Variants in CDC42BPA observed in about 807,000 individuals in gnomAD.
CDC42BPA encodes CDC42 binding protein kinase alpha.
CDC42BPA carries 80 observed loss-of-function variants against 223.5 expected under a neutral mutation model. That is an observed-to-expected ratio of 0.36 (90% confidence interval 0.30 to 0.43). CDC42BPA has a LOEUF of 0.43. Among genes scored for constraint, CDC42BPA ranks in the 20% least tolerant of loss-of-function variants. CDC42BPA has a pLI of 1.00. For synonymous variants in CDC42BPA, 694 were observed against 718.6 expected (o/e 0.97, Z 0.55); for missense variants, 1,743 against 2,099.9 (o/e 0.83, Z 3.32).
At chr1:227,117,498 G>A (rs1687947262) in intron 12 of CDC42BPA, among the ~76,000 whole-genome samples, 2 of 151,886 alleles carry the variant, frequency 1.3e-5, no homozygotes. Flanking sequence ...TTTTTGTAGA[G>A]ACTGGGTCTC....
At chr1:227,255,823 A>G (rs1682945036) in intron 1 of CDC42BPA, among the ~76,000 whole-genome samples, 1 of 152,216 alleles carries the variant, frequency 6.6e-6, no homozygotes, top group African/African-American at 2.4e-5. Flanking sequence ...AAATGAAAAG[A>G]CATCCAGTAT....
chr1:227,010,916 G>C, intron 34 of CDC42BPA: 1 of 1,365,020 alleles, frequency 7.3e-7, no homozygotes, highest in Non-Finnish European at 9.8e-7. Context: ...GGGACAGAGC[G>C]CAGAGACGGG....
rs143944932 is a variant in CDC42BPA, at chr1:227,060,020, G to GTTTT, written c.2905-8039_2905-8036dup. On this transcript the variant is annotated intron_variant, in intron 21 of 36. Coordinates refer to ENST00000366766, the MANE Select transcript of CDC42BPA (RefSeq NM_001394014.1). ...AAAAAAGGAACAATTATCTCAAAAA[G>GTTTT]TTTTTTTTTGTTTTTTTTTTTTTTT... 1.5e-3 allele frequency among the ~76,000 whole-genome samples: 140 copies of GTTTT among 94,130 alleles called. 1 individual carries two copies. The highest frequency in any genetic ancestry group is 5.8e-3 in the African/African-American group (118 of 20,320). The allele number at this position is 94,130 out of a possible 152,430, so 61.8% of individuals were successfully genotyped here.
intron 2 of CDC42BPA, among the ~76,000 whole-genome samples, chr1:227,217,263 A>ATAATGAAACCCCATCTC (rs1290298048): frequency 6.6e-6 from 1 of 152,036 alleles, no homozygotes; most frequent in Non-Finnish European, 1.5e-5. Context: ...TCTGGCCAAC[A>ATAATGAAACCCCATCTC]TAATGAAACC....
intron 28 of CDC42BPA, among the ~76,000 whole-genome samples, 175 bp from the exon 29 acceptor site, chr1:227,030,645 A>G (rs1014980146): frequency 6.6e-6 from 1 of 152,234 alleles, no homozygotes; most frequent in African/African-American, 2.4e-5. Context: ...TCTAAAATAG[A>G]ACAATTATTA....
At chr1:227,008,343 T>G (rs775726166) in intron 34 of CDC42BPA, among the ~76,000 whole-genome samples, 8 of 152,192 alleles carry the variant, frequency 5.3e-5, no homozygotes, top group Non-Finnish European at 5.9e-5. Context: ...TGCAAACACT[T>G]AAAAGATGAC....
At chr1:227,289,316 C>A (rs1281088689) in intron 1 of CDC42BPA, among the ~76,000 whole-genome samples, 1 of 152,180 alleles carries the variant, frequency 6.6e-6, no homozygotes, top group African/African-American at 2.4e-5. Flanking sequence ...ACTGGTCTTC[C>A]TTCTGTTCCT....
chr1:227,220,182 G>C (rs1675573452), intron 2 of CDC42BPA, among the ~76,000 whole-genome samples: 1 of 151,142 alleles, frequency 6.6e-6, no homozygotes, highest in South Asian at 2.1e-4. Context: ...AGCAAATTTG[G>C]CTGTCCTTAA....
At position 227,009,063 on chromosome 1, in the gene CDC42BPA, T is replaced by A. The variant is rs77019287; in HGVS notation, c.4858-3952A>T. Among the ~76,000 whole-genome samples the A allele has an allele frequency of 7.2e-3, 1,098 of 152,252 alleles. 28 individuals carry two copies. In the East Asian group the frequency reaches 0.077, roughly 11 times the overall value. On this transcript the variant is annotated intron_variant, in intron 34 of 36. Transcript: ENST00000366766. ...TATTGTTTTTCTGTAAACCTTAAGATACATTGATGTTGTCCTTTCCTATAA... is the reference window on the plus strand; with the variant it reads ...TATTGTTTTTCTGTAAACCTTAAGAAACATTGATGTTGTCCTTTCCTATAA...
chr1:227,195,079 G>A (rs1423412505), intron 4 of CDC42BPA, among the ~76,000 whole-genome samples: 1 of 152,172 alleles, frequency 6.6e-6, no homozygotes, highest in Non-Finnish European at 1.5e-5. Flanking sequence ...GGAAATGTGT[G>A]TTAAACCAAA....
chr1:227,163,153 CAT>C (rs1284860188), intron 5 of CDC42BPA, among the ~76,000 whole-genome samples: 24 of 150,836 alleles, frequency 1.6e-4, no homozygotes, highest in Admixed American at 9.3e-4. Context: ...TGTTTCCAAA[CAT>C]ATATGTGTGT....
At chr1:227,024,157 G>T (rs1667843344) in intron 31 of CDC42BPA, among the ~76,000 whole-genome samples, 1 of 152,096 alleles carries the variant, frequency 6.6e-6, no homozygotes, top group African/African-American at 2.4e-5. Flanking sequence ...ATAGCAAAAT[G>T]AGCAAAAAGC....
chr1:227,296,051 GAAAAGCCA>G (rs1347286472), intron 1 of CDC42BPA, among the ~76,000 whole-genome samples: 1 of 152,156 alleles, frequency 6.6e-6, no homozygotes, highest in Non-Finnish European at 1.5e-5. Flanking sequence ...AAGGAGCCCA[GAAAAGCCA>G]AAATAACCTG....
At position 227,284,861 on chromosome 1, in the gene CDC42BPA, C is replaced by G. The variant is rs1572859868; in HGVS notation, c.179-30706G>C. On this transcript the variant is annotated intron_variant, in intron 1 of 36. Transcript: ENST00000366766. Reference sequence around the variant, plus strand: ...TCTGTCATCACAGCTACTCAGGAGGCTGAGGTGGGAAGATCGCTTGATTCC... The same window carrying G: ...TCTGTCATCACAGCTACTCAGGAGGGTGAGGTGGGAAGATCGCTTGATTCC... 4.0e-5 allele frequency among the ~76,000 whole-genome samples: 6 copies of G among 151,666 alleles called. 1 individual carries two copies. The highest frequency in any genetic ancestry group is 3.9e-4 in the Admixed American group (6 of 15,198).
chr1:227,201,330 TAGAGACG>T (rs1671718484), intron 3 of CDC42BPA, among the ~76,000 whole-genome samples: 1 of 152,012 alleles, frequency 6.6e-6, no homozygotes, highest in African/African-American at 2.4e-5. Context: ...TATCTCTTTC[TAGAGACG>T]AGGTCTCACT....
chr1:227,129,045 G>T, intron 11 of CDC42BPA, 64 bp downstream of exon 11: 3 of 1,104,238 alleles, frequency 2.7e-6, no homozygotes, highest in Non-Finnish European at 4.0e-6. Flanking sequence ...GATGTTTTTT[G>T]TGTGAATAAA....
chr1:227,089,705 G>C (rs1682730931), intron 16 of CDC42BPA, among the ~76,000 whole-genome samples: 1 of 146,470 alleles, frequency 6.8e-6, no homozygotes, highest in African/African-American at 2.5e-5. Flanking sequence ...CATATACTAG[G>C]CCTAAGTATG....
intron 1 of CDC42BPA, among the ~76,000 whole-genome samples, chr1:227,309,021 G>A (rs1229802101): frequency 6.6e-6 from 1 of 152,026 alleles, no homozygotes; most frequent in Non-Finnish European, 1.5e-5. Flanking sequence ...GGAGTGGGAA[G>A]AATGGCACTG....
At chr1:227,084,548 T>TAAAA (rs1475879786) in intron 16 of CDC42BPA, among the ~76,000 whole-genome samples, 3 of 146,278 alleles carry the variant, frequency 2.1e-5, no homozygotes, top group Non-Finnish European at 4.6e-5. Flanking sequence ...AAAAAAAATT[T>TAAAA]TTTTTTCATG....
Sources: allele counts gnomAD v4.1 joint callset (sites outside exome capture counted in the v4.1 genomes callset), GRCh38; gene constraint gnomAD v4.1.1; transcripts MANE v1.5; gene names NCBI Gene and HGNC (gene_info 2026-07-23, HGNC 2026-07-21).